Variants in WDR72 observed in about 807,000 individuals in gnomAD.
WDR72 encodes the protein WD repeat domain 72.
Under a neutral mutation model 124.2 loss-of-function variants are expected in WDR72, and 120 were observed. The observed-to-expected ratio is 0.97, with a 90% CI of 0.83 to 1.12. The LOEUF (loss-of-function observed/expected upper bound fraction) is 1.12, where lower values mean the gene tolerates loss of function less well. Among genes scored for constraint, WDR72 ranks in the 50% most tolerant of loss-of-function variants. WDR72 has a pLI of 0.00. For missense variants in WDR72, 1,387 were observed against 1,278.8 expected (o/e 1.08, Z -1.29); for synonymous variants, 452 against 441.7 (o/e 1.02, Z -0.29).
chr15:53,762,053 TA>T (rs1419884992), upstream of WDR72, among the ~76,000 whole-genome samples: 5 of 152,074 alleles, frequency 3.3e-5, no homozygotes. Flanking sequence ...TACATGACTT[TA>T]CCCTCCAAAT....
intron 14 of WDR72, among the ~76,000 whole-genome samples, chr15:53,653,682 C>A (rs1181940325): frequency 1.3e-5 from 2 of 152,078 alleles, no homozygotes. Flanking sequence ...AGTTTCTTTT[C>A]TTTCTGTCAT....
chr15:53,661,338 C>T (rs2015602462), intron 14 of WDR72, among the ~76,000 whole-genome samples: 1 of 152,110 alleles, frequency 6.6e-6, no homozygotes, highest in South Asian at 2.1e-4. Flanking sequence ...TGAACCAGAG[C>T]CATGTGTGCA....
intron 14 of WDR72, among the ~76,000 whole-genome samples, chr15:53,622,937 A>G (rs1193108071): frequency 6.6e-6 from 1 of 152,226 alleles, no homozygotes; most frequent in African/African-American, 2.4e-5. Context: ...AACAAAATTC[A>G]CAAGATCAAT....
At chr15:53,546,639 A>T (rs1377505602) in intron 18 of WDR72, among the ~76,000 whole-genome samples, 1 of 152,318 alleles carries the variant, frequency 6.6e-6, no homozygotes, top group African/African-American at 2.4e-5. Flanking sequence ...CAATGTGCAC[A>T]CATACCCTAA....
intron 14 of WDR72, among the ~76,000 whole-genome samples, chr15:53,654,373 G>A (rs928920330): frequency 9.9e-5 from 15 of 152,038 alleles, no homozygotes; most frequent in African/African-American, 3.6e-4. Context: ...GAGAAGTAAG[G>A]GCCCATATCC....
chr15:53,565,949 A>T (rs915763896), intron 18 of WDR72, among the ~76,000 whole-genome samples: 16 of 152,008 alleles, frequency 1.1e-4, no homozygotes, highest in Admixed American at 7.2e-4. Flanking sequence ...TAGAGCATAA[A>T]TCAAGGGTTT....
At chr15:53,648,055 A>T (rs533360236) in intron 14 of WDR72, among the ~76,000 whole-genome samples, 1 of 152,072 alleles carries the variant, frequency 6.6e-6, no homozygotes, top group East Asian at 1.9e-4. Context: ...ATTCCCCCTA[A>T]CTTCCCCACC....
chr15:53,527,398 C>T lies in WDR72; in HGVS notation c.3149-4076G>A, dbSNP rs1892182166. ...GAACAACTCCCCCCAGAAACATTTC[C>T]ACATCCCCAGCAAGAGAGTGGCCAC... On this transcript the variant is annotated intron_variant, in intron 18 of 19. Coordinates refer to ENST00000360509, the MANE Select transcript of WDR72 (RefSeq NM_182758.4). Among the ~76,000 whole-genome samples the T allele has an allele frequency of 2.0e-5, 3 of 152,044 alleles. No individual in the cohort carries two copies. The South Asian group carries it at 6.2e-4, about 31-fold the overall frequency.
intron 1 of WDR72, among the ~76,000 whole-genome samples, chr15:53,750,748 C>T (rs1195367347): frequency 2.0e-5 from 3 of 152,120 alleles, no homozygotes; most frequent in Non-Finnish European, 4.4e-5. Context: ...GATTCCAACC[C>T]TCATAGATGA....
intron 18 of WDR72, among the ~76,000 whole-genome samples, chr15:53,553,960 A>G (rs908724375): frequency 6.6e-6 from 1 of 152,178 alleles, no homozygotes; most frequent in East Asian, 1.9e-4. Flanking sequence ...TTGGAAAATA[A>G]CAGCTGTTAC....
At position 53,743,078 on chromosome 15, in the gene WDR72, G is replaced by A. The variant is rs144992746; in HGVS notation, c.-12-9917C>T. On this transcript the variant is annotated intron_variant, in intron 1 of 19. Coordinates refer to ENST00000360509, the MANE Select transcript of WDR72 (RefSeq NM_182758.4). ...GGCTTCAGGAAGCTCACAGCCAGTA[G>A]GTAAAAAAACAATGTAAATGAATTA... 4.6e-3 allele frequency among the ~76,000 whole-genome samples: 695 copies of A among 151,842 alleles called. 3 individuals are homozygous for A. Among genetic ancestry groups the A allele is most frequent in the Non-Finnish European group, 7.4e-3 (502 of 67,944 alleles).
intron 14 of WDR72, among the ~76,000 whole-genome samples, chr15:53,636,412 C>G (rs1387517049): frequency 6.6e-6 from 1 of 151,942 alleles, no homozygotes; most frequent in African/African-American, 2.4e-5. Flanking sequence ...AAAATGAATA[C>G]CCAAACTACA....
At chr15:53,701,559 TCACA>T (rs58047374) in intron 12 of WDR72, among the ~76,000 whole-genome samples, 4,409 of 120,100 alleles carry the variant, frequency 0.037, 93 homozygotes, top group Admixed American at 0.048. Context: ...TCTCTCTCTC[TCACA>T]CACACACACA....
intron 18 of WDR72, among the ~76,000 whole-genome samples, chr15:53,583,577 CA>C (rs1372603909): frequency 6.6e-6 from 1 of 151,996 alleles, no homozygotes; most frequent in Non-Finnish European, 1.5e-5. Flanking sequence ...AAAAGTGTAT[CA>C]AAACATTTCT....
chr15:53,632,691 G>A (rs558805826), intron 14 of WDR72, among the ~76,000 whole-genome samples: 1 of 152,368 alleles, frequency 6.6e-6, no homozygotes, highest in Admixed American at 6.5e-5. Flanking sequence ...GCGGCCCATG[G>A]TCTTCAGAGC....
intron 14 of WDR72, among the ~76,000 whole-genome samples, chr15:53,638,695 C>T (rs1452436073): frequency 2.0e-5 from 3 of 149,304 alleles, no homozygotes; most frequent in African/African-American, 7.5e-5. Context: ...ATTATTTGTG[C>T]TCTGATACGT....
At chr15:53,520,030 T>C (rs985408455) in intron 19 of WDR72, among the ~76,000 whole-genome samples, 1 of 152,102 alleles carries the variant, frequency 6.6e-6, no homozygotes, top group Non-Finnish European at 1.5e-5. Flanking sequence ...TCTATCAACA[T>C]CTAAATATCA....
At chr15:53,621,716 C>A (rs903136933) in intron 14 of WDR72, among the ~76,000 whole-genome samples, 3 of 151,818 alleles carry the variant, frequency 2.0e-5, no homozygotes, top group African/African-American at 7.3e-5. Context: ...ATGGGTGCAA[C>A]AGAATCTCAC....
chr15:53,622,038 G>A lies in WDR72; in HGVS notation c.1963-5795C>T, dbSNP rs560818308. ...CATATGAAAAAAGCTCATAATCACTGATCATTAGAGAAATGCAAATCAAAA... is the reference window on the plus strand; with the variant it reads ...CATATGAAAAAAGCTCATAATCACTAATCATTAGAGAAATGCAAATCAAAA... On this transcript the variant is annotated intron_variant, in intron 14 of 19. Coordinates refer to ENST00000360509, the MANE Select transcript of WDR72 (RefSeq NM_182758.4). 2.6e-5 allele frequency among the ~76,000 whole-genome samples: 4 copies of A among 152,186 alleles called. No homozygotes were observed. The East Asian group carries it at 5.8e-4, about 22-fold the overall frequency.
Sources: allele counts gnomAD v4.1 joint callset (sites outside exome capture counted in the v4.1 genomes callset), GRCh38; gene constraint gnomAD v4.1.1; transcripts MANE v1.5; gene names NCBI Gene and HGNC (gene_info 2026-07-23, HGNC 2026-07-21).